STAG1: variants seen among roughly 807,000 people sequenced by gnomAD.
STAG1 encodes the protein cohesin subunit SA-1.
Under a neutral mutation model 170.9 loss-of-function variants are expected in STAG1, and 26 were observed. The ratio of observed to expected loss-of-function variants is 0.15; its 90% CI spans 0.11 to 0.21. STAG1 has a LOEUF of 0.21. Among genes scored for constraint, STAG1 ranks in the 10% least tolerant of loss-of-function variants. STAG1 has a pLI of 1.00. For missense variants in STAG1, 964 were observed against 1,509.5 expected, an observed-to-expected ratio of 0.64 and a Z score of 5.99; for synonymous variants, 514 against 497.7, an observed-to-expected ratio of 1.03 and a Z score of -0.44.
At chr3:136,749,469 C>G (rs563592260) in intron 1 of STAG1, among the ~76,000 whole-genome samples, 1 of 152,126 alleles carries the variant, frequency 6.6e-6, no homozygotes, top group Non-Finnish European at 1.5e-5. Flanking sequence ...CAACTCTGGC[C>G]GGGCACAGTG....
intron 1 of STAG1, among the ~76,000 whole-genome samples, chr3:136,681,538 T>TAA (rs1448889837): frequency 5.3e-5 from 8 of 152,122 alleles, no homozygotes; most frequent in Non-Finnish European, 1.5e-5. Flanking sequence ...CCAGGCTATA[T>TAA]AAAGTATCTA....
At chr3:136,640,967 G>A (rs542916189) in intron 1 of STAG1, among the ~76,000 whole-genome samples, 56 of 152,248 alleles carry the variant, frequency 3.7e-4, no homozygotes, top group African/African-American at 1.3e-3. Flanking sequence ...GAGCCACTGC[G>A]CCCGGCCCCA....
chr3:136,570,690 C>G (rs1937242345), intron 4 of STAG1, among the ~76,000 whole-genome samples: 2 of 152,232 alleles, frequency 1.3e-5, no homozygotes, highest in Non-Finnish European at 2.9e-5. Context: ...TTCAGATGCT[C>G]TACATCCTCA....
intron 8 of STAG1, 117 bp from the exon 9 acceptor site, chr3:136,500,413 C>G: frequency 1.5e-6 from 1 of 655,188 alleles, no homozygotes. Context: ...ATCCTTTTCT[C>G]ACTTGTAGTA....
chr3:136,384,729 C>T (rs188041339), intron 22 of STAG1, among the ~76,000 whole-genome samples: 3 of 150,962 alleles, frequency 2.0e-5, no homozygotes, highest in Admixed American at 2.0e-4. Context: ...GATTACGCCA[C>T]TGCACTCTAG....
intron 9 of STAG1, among the ~76,000 whole-genome samples, chr3:136,478,842 A>C (rs552508133): frequency 6.6e-6 from 1 of 152,130 alleles, no homozygotes. Context: ...CTCTGGAGGA[A>C]GACATCCTGA....
At chr3:136,642,945 T>C (rs1287869776) in intron 1 of STAG1, among the ~76,000 whole-genome samples, 1 of 152,264 alleles carries the variant, frequency 6.6e-6, no homozygotes, top group East Asian at 1.9e-4. Flanking sequence ...CTTCCCTCTG[T>C]GTGCCTCTGT....
intron 5 of STAG1, among the ~76,000 whole-genome samples, chr3:136,553,616 T>G (rs930755418): frequency 1.3e-5 from 2 of 151,730 alleles, no homozygotes; most frequent in African/African-American, 4.8e-5. Flanking sequence ...TCTACTAAAA[T>G]ACAAAAAATT....
intron 9 of STAG1, among the ~76,000 whole-genome samples, chr3:136,478,797 G>C (rs573973485): frequency 2.0e-5 from 3 of 152,154 alleles, no homozygotes; most frequent in Admixed American, 2.0e-4. Context: ...TTTTCTCATG[G>C]AGAGGCTGTA....
intron 1 of STAG1, chr3:136,736,585 G>T: frequency 6.5e-7 from 1 of 1,544,826 alleles, no homozygotes; most frequent in Non-Finnish European, 8.9e-7. Context: ...TGGAAGTTTC[G>T]CCAGCTGTCC....
chr3:136,357,952 GGTA>G, intron 27 of STAG1, 104 bp from the exon 28 acceptor site: 1 of 946,834 alleles, frequency 1.1e-6, no homozygotes, highest in Non-Finnish European at 1.6e-6. Context: ...TATCACAAAA[GGTA>G]GTAAAATCTG....
intron 15 of STAG1, among the ~76,000 whole-genome samples, chr3:136,439,392 A>ACG (rs1553721545): frequency 5.4e-4 from 33 of 61,038 alleles, no homozygotes; most frequent in Admixed American, 4.7e-3. Flanking sequence ...ACCCCCCGAC[A>ACG]CACACACACA....
At chr3:136,367,104 G>A in intron 24 of STAG1, 22 bp from the exon 25 acceptor site, 2 of 1,570,780 alleles carry the variant, frequency 1.3e-6, no homozygotes, top group Non-Finnish European at 1.7e-6. Context: ...TTACAAATTG[G>A]TTATGAATTC....
chr3:136,342,301 G>A (rs1182878830), intron 30 of STAG1, among the ~76,000 whole-genome samples: 1 of 151,866 alleles, frequency 6.6e-6, no homozygotes, highest in South Asian at 2.1e-4. Flanking sequence ...TTACAGGCAT[G>A]AGCCACCGCG....
chr3:136,486,252 A>G (rs140350752), intron 9 of STAG1, among the ~76,000 whole-genome samples: 2,553 of 152,340 alleles, frequency 0.017, 39 homozygotes, highest in Non-Finnish European at 0.027. Flanking sequence ...GTTAGAAGCA[A>G]TGCACATCTT....
chr3:136,473,587 G>C lies in STAG1; in HGVS notation c.1077C>G (p.Thr359=). Residue 359 remains threonine (T), a synonymous_variant, in exon 11 of 34, where the codon ACC becomes ACG. Coordinates refer to ENST00000383202, the MANE Select transcript of STAG1 (RefSeq NM_005862.3). ...CCAATTTGGGGAATAATTCTCTATT[G>C]GTATATAGACTCTGCAGAGCTTTCA... ...KCLKALQSLY[T]NRELFPKLEL... is the part of the protein sequence containing the mutation. The C allele has an allele frequency of 1.2e-6, 2 of 1,612,124 alleles. No homozygotes were observed. The highest frequency in any genetic ancestry group is 8.5e-7 in the Non-Finnish European group (1 of 1,179,110).
At chr3:136,562,156 C>T (rs567453625) in intron 5 of STAG1, among the ~76,000 whole-genome samples, 2 of 152,292 alleles carry the variant, frequency 1.3e-5, no homozygotes, top group African/African-American at 2.4e-5. Flanking sequence ...TAAGATTTCA[C>T]GTGTCTCAAT....
chr3:136,737,501 G>A (rs1177155780), intron 1 of STAG1, among the ~76,000 whole-genome samples: 1 of 152,180 alleles, frequency 6.6e-6, no homozygotes, highest in Non-Finnish European at 1.5e-5. Context: ...ACCTCCCAAA[G>A]TGTTGGGATT....
chr3:136,625,847 T>C (rs1940068037), intron 2 of STAG1, among the ~76,000 whole-genome samples: 1 of 152,236 alleles, frequency 6.6e-6, no homozygotes, highest in African/African-American at 2.4e-5. Flanking sequence ...TTCAAAGTTA[T>C]CATATTACTC....
Sources: gnomAD v4.1 joint callset for allele counts (sites outside exome capture counted in the v4.1 genomes callset) on GRCh38, gnomAD v4.1.1 for gene constraint, MANE v1.5 for transcripts, NCBI Gene and HGNC (gene_info 2026-07-23, HGNC 2026-07-21) for gene names.